Variants in ST6GALNAC3 observed in about 807,000 individuals in gnomAD.
ST6GALNAC3 encodes ST6 N-acetylgalactosaminide alpha-2,6-sialyltransferase 3, also known as alpha-N-acetylgalactosaminide alpha-2,6-sialyltransferase 3.
In ST6GALNAC3, 25 loss-of-function variants were observed where a neutral mutation model predicts 32.7. That is an observed-to-expected ratio of 0.76 (90% CI 0.56 to 1.07). The LOEUF is 1.07. ST6GALNAC3 is among the 50% of genes least tolerant of loss of function. The pLI is 0.00. For missense variants in ST6GALNAC3, 355 were observed against 382.4 expected (o/e 0.93, Z 0.60); for synonymous variants, 129 against 133.1 (o/e 0.97, Z 0.21).
At chr1:76,102,186 T>C (rs1647251897) in intron 1 of ST6GALNAC3, among the ~76,000 whole-genome samples, 1 of 152,028 alleles carries the variant, frequency 6.6e-6, no homozygotes, top group Non-Finnish European at 1.5e-5. Context: ...TTATCTGATA[T>C]TAATAAAACC....
At chr1:76,396,776 C>T (rs188834067) in intron 2 of ST6GALNAC3, among the ~76,000 whole-genome samples, 6 of 152,198 alleles carry the variant, frequency 3.9e-5, no homozygotes, top group East Asian at 1.9e-4. Flanking sequence ...AAGAAAGTTC[C>T]GTAAGTCTGA....
chr1:76,203,043 T>C (rs1336536624), intron 1 of ST6GALNAC3, among the ~76,000 whole-genome samples: 3 of 152,162 alleles, frequency 2.0e-5, no homozygotes, highest in Non-Finnish European at 4.4e-5. Flanking sequence ...TTAAGTGAAA[T>C]TGTTGGATTA....
chr1:76,482,515 C>G (rs1290961893), intron 3 of ST6GALNAC3, among the ~76,000 whole-genome samples: 3 of 152,150 alleles, frequency 2.0e-5, no homozygotes, highest in South Asian at 4.1e-4. Flanking sequence ...GGGCAAGGCA[C>G]TGGGCCAAGT....
chr1:76,234,955 T>A (rs1656564755), intron 1 of ST6GALNAC3, among the ~76,000 whole-genome samples: 2 of 152,170 alleles, frequency 1.3e-5, no homozygotes, highest in Admixed American at 6.5e-5. Context: ...TTTTCCCAAA[T>A]ATAGTCCACC....
chr1:76,217,404 T>A (rs1557703815), intron 1 of ST6GALNAC3, among the ~76,000 whole-genome samples: 2 of 152,236 alleles, frequency 1.3e-5, no homozygotes, highest in African/African-American at 4.8e-5. Flanking sequence ...AGCAAAATCT[T>A]TATTTCTATA....
intron 3 of ST6GALNAC3, among the ~76,000 whole-genome samples, chr1:76,414,130 T>C (rs2101321392): frequency 6.6e-6 from 1 of 152,150 alleles, no homozygotes; most frequent in South Asian, 2.1e-4. Context: ...GAGAATAGCT[T>C]TGGGAGATCA....
intron 1 of ST6GALNAC3, among the ~76,000 whole-genome samples, chr1:76,110,182 T>G (rs1647822571): frequency 6.6e-6 from 1 of 152,220 alleles, no homozygotes; most frequent in Admixed American, 6.5e-5. Context: ...CTCTCATATT[T>G]TCCACATTCC....
In ST6GALNAC3 at chr1:76,412,099, C is replaced by T; in HGVS notation, c.305C>T (p.Ser102Phe). Residue 102 changes from serine to phenylalanine, a missense_variant, in exon 3 of 5, where the codon TCC becomes TTC. Physicochemically the swap from Ser to Phe is radical, Grantham distance 155. Coordinates refer to ENST00000328299, the MANE Select transcript of ST6GALNAC3 (RefSeq NM_152996.4). Reference sequence around the variant, plus strand: ...GTGGGAAATGAGATAGATCGATCCTCCTGCATTTGGAGAATGAACAATGCC... The same window carrying T: ...GTGGGAAATGAGATAGATCGATCCTTCTGCATTTGGAGAATGAACAATGCC... ...QKVGNEIDRS[S>F]CIWRMNNAPT... is the part of the protein sequence containing the mutation. The T allele has an allele frequency of 6.2e-6, 10 of 1,613,622 alleles. No homozygotes were observed. Among genetic ancestry groups the T allele is most frequent in the South Asian group, 1.1e-5 (1 of 91,066 alleles).
intron 1 of ST6GALNAC3, among the ~76,000 whole-genome samples, chr1:76,155,561 G>A (rs898234741): frequency 3.9e-5 from 6 of 152,006 alleles, no homozygotes; most frequent in African/African-American, 1.2e-4. Context: ...TCCGCCTCCC[G>A]GGTTCATGCC....
chr1:76,210,272 A>T (rs1337955211), intron 1 of ST6GALNAC3, among the ~76,000 whole-genome samples: 1 of 152,112 alleles, frequency 6.6e-6, no homozygotes, highest in Admixed American at 6.5e-5. Flanking sequence ...CTTCTTTGTC[A>T]TATTGCAGTT....
At chr1:76,291,693 A>G (rs1660104228) in intron 1 of ST6GALNAC3, among the ~76,000 whole-genome samples, 1 of 152,212 alleles carries the variant, frequency 6.6e-6, no homozygotes, top group African/African-American at 2.4e-5. Context: ...CAAAAGAAAA[A>G]AATGCTTATT....
At chr1:76,506,003 T>C (rs973835637) in intron 3 of ST6GALNAC3, among the ~76,000 whole-genome samples, 1 of 151,844 alleles carries the variant, frequency 6.6e-6, no homozygotes, top group African/African-American at 2.4e-5. Flanking sequence ...GACATAATCA[T>C]TATTTAATAA....
chr1:76,518,334 T>A (rs1210314043), intron 3 of ST6GALNAC3, among the ~76,000 whole-genome samples: 1 of 152,098 alleles, frequency 6.6e-6, no homozygotes, highest in East Asian at 1.9e-4. Flanking sequence ...GTAAAGAGAA[T>A]GTAGCTAAAA....
At chr1:76,325,662 G>C (rs553250521) in intron 2 of ST6GALNAC3, among the ~76,000 whole-genome samples, 21 of 149,848 alleles carry the variant, frequency 1.4e-4, no homozygotes, top group Non-Finnish European at 1.5e-5. Context: ...CATGCCCCCG[G>C]AATGGTAGAC....
At chr1:76,270,235 G>A (rs968222017) in intron 1 of ST6GALNAC3, among the ~76,000 whole-genome samples, 3 of 152,008 alleles carry the variant, frequency 2.0e-5, no homozygotes, top group Admixed American at 1.3e-4. Context: ...GGCCAGGCAC[G>A]GTGGCTCACA....
At chr1:76,458,836 T>C (rs1177063853) in intron 3 of ST6GALNAC3, among the ~76,000 whole-genome samples, 1 of 151,684 alleles carries the variant, frequency 6.6e-6, no homozygotes, top group Admixed American at 6.6e-5. Context: ...TGTACATATG[T>C]AACTAACCTG....
chr1:76,252,351 A>G, intron 1 of ST6GALNAC3, among the ~76,000 whole-genome samples: 1 of 152,128 alleles, frequency 6.6e-6, no homozygotes, highest in Admixed American at 6.5e-5. Flanking sequence ...CCTCCCCCCA[A>G]CCTTGAGGGT....
chr1:76,190,615 C>T (rs958195341), intron 1 of ST6GALNAC3, among the ~76,000 whole-genome samples: 7 of 152,216 alleles, frequency 4.6e-5, no homozygotes, highest in Admixed American at 3.9e-4. Flanking sequence ...TTAATTTACC[C>T]GTGTTGATCA....
At chr1:76,157,145 G>GAC (rs202141869) in intron 1 of ST6GALNAC3, among the ~76,000 whole-genome samples, 19,579 of 152,158 alleles carry the variant, frequency 0.13, 1,607 homozygotes, top group Non-Finnish European at 0.19. Context: ...AAGAAAACAT[G>GAC]TGCATGTGAA....
Sources: allele counts gnomAD v4.1 joint callset (sites outside exome capture counted in the v4.1 genomes callset), GRCh38; gene constraint gnomAD v4.1.1; transcripts MANE v1.5; gene names NCBI Gene and HGNC (gene_info 2026-07-23, HGNC 2026-07-21).